The following PAQR5 variants were observed in gnomAD, a reference collection of about 807,000 sequenced individuals.
PAQR5 encodes progestin and adipoQ receptor family member 5, also known as membrane progestin receptor gamma.
A neutral mutation model predicts 34.5 loss-of-function variants in PAQR5; 20 were observed. That is an observed-to-expected ratio of 0.58 (90% CI 0.41 to 0.84). The LOEUF is 0.84. Among genes scored for constraint, PAQR5 ranks in the 40% least tolerant of loss-of-function variants. PAQR5 has a pLI of 0.00. For synonymous variants in PAQR5, 131 were observed against 155.6 expected, an observed-to-expected ratio of 0.84 and a Z score of 1.18; for missense variants, 378 against 412.7, an observed-to-expected ratio of 0.92 and a Z score of 0.73.
chr15:69,320,208 C>T (rs994993998), intron 1 of PAQR5, among the ~76,000 whole-genome samples: 2 of 152,244 alleles, frequency 1.3e-5, no homozygotes, highest in African/African-American at 4.8e-5. Context: ...TAGCATAGAG[C>T]CAGAACGATC....
intron 4 of PAQR5, among the ~76,000 whole-genome samples, chr15:69,380,650 A>T (rs1432689767): frequency 6.6e-6 from 1 of 152,100 alleles, no homozygotes. Context: ...AAGGTGGGGG[A>T]TGAAGGCCAA....
chr15:69,300,279 C>T lies in PAQR5; in HGVS notation c.-277+1223C>T, dbSNP rs75537741. Among the ~76,000 whole-genome samples the T allele has an allele frequency of 3.3e-3, 496 of 152,016 alleles. 6 individuals are homozygous for T. Among genetic ancestry groups the T allele is most frequent in the African/African-American group, 0.011 (474 of 41,380 alleles). On this transcript the variant is annotated intron_variant, in intron 1 of 8. Coordinates refer to ENST00000395407, the MANE Select transcript of PAQR5 (RefSeq NM_017705.4). ...CTAAGCTCCCAGAACTGCAGGAGGG[C>T]AGGGACCTGCTTTGTTCCCTGCAGG...
chr15:69,392,668 G>A (rs1027264634), intron 6 of PAQR5, among the ~76,000 whole-genome samples: 6 of 152,298 alleles, frequency 3.9e-5, no homozygotes, highest in East Asian at 1.9e-4. Flanking sequence ...CATGATTTCC[G>A]TTAGAGTGTA....
At chr15:69,368,345 G>A (rs1263755983) in intron 3 of PAQR5, among the ~76,000 whole-genome samples, 19 of 152,188 alleles carry the variant, frequency 1.2e-4, no homozygotes, top group South Asian at 2.1e-4. Context: ...GAGCCACTGT[G>A]CGTCTGCTTT....
At chr15:69,300,840 G>T (rs1245146640) in intron 1 of PAQR5, among the ~76,000 whole-genome samples, 3 of 14,374 alleles carry the variant, frequency 2.1e-4, no homozygotes, top group Non-Finnish European at 3.8e-4. Flanking sequence ...CCTTTAGTTC[G>T]TTTTCTTTCT....
chr15:69,399,737 T>C (rs557987021), intron 7 of PAQR5, among the ~76,000 whole-genome samples: 1 of 152,342 alleles, frequency 6.6e-6, no homozygotes, highest in East Asian at 1.9e-4. Context: ...AATACAATAG[T>C]CTCGAGTCTC....
In PAQR5 at chr15:69,301,855, G is replaced by A. The variant is rs1022404096; in HGVS notation, c.-277+2799G>A. On this transcript the variant is annotated intron_variant, in intron 1 of 8. Coordinates refer to ENST00000395407, the MANE Select transcript of PAQR5 (RefSeq NM_017705.4). ...AATTGTGAATTCATAAGAAATGGGG[G>A]GAGATTTTTTTTTTTTTTTTTTTTT... 4.5e-4 allele frequency among the ~76,000 whole-genome samples: 52 copies of A among 115,072 alleles called. 1 individual carries two copies. Among genetic ancestry groups the A allele is most frequent in the Admixed American group, 1.3e-3 (15 of 11,898 alleles). The allele number at this position is 115,072 out of a possible 152,430, so 75.5% of individuals were successfully genotyped here. A position where few individuals can be genotyped will look rare whatever the true frequency, so the allele number is the denominator to read the frequency against.
intron 1 of PAQR5, among the ~76,000 whole-genome samples, chr15:69,321,223 A>G (rs1042476554): frequency 5.9e-5 from 9 of 152,258 alleles, no homozygotes; most frequent in African/African-American, 2.2e-4. Flanking sequence ...ACATCTGAGT[A>G]GGACTCAAAA....
At chr15:69,319,030 A>G (rs1460189310) in intron 1 of PAQR5, among the ~76,000 whole-genome samples, 2 of 151,356 alleles carry the variant, frequency 1.3e-5, no homozygotes, top group African/African-American at 2.4e-5. Context: ...GGTACCTGGG[A>G]GGCTGAGGCA....
chr15:69,349,146 T>C (rs1009798526), intron 2 of PAQR5, among the ~76,000 whole-genome samples: 1 of 151,988 alleles, frequency 6.6e-6, no homozygotes, highest in South Asian at 2.1e-4. Context: ...GTGGGCACCA[T>C]CCAATTAGCA....
At chr15:69,368,973 T>C (rs2055480288) in intron 3 of PAQR5, among the ~76,000 whole-genome samples, 1 of 152,264 alleles carries the variant, frequency 6.6e-6, no homozygotes, top group South Asian at 2.1e-4. Context: ...TGTCTCACTG[T>C]GTGGCCTAAG....
chr15:69,333,464 T>C (rs2054436743), intron 1 of PAQR5, among the ~76,000 whole-genome samples: 1 of 152,164 alleles, frequency 6.6e-6, no homozygotes, highest in Non-Finnish European at 1.5e-5. Context: ...TACTTGACTC[T>C]GCACACTTGG....
At chr15:69,310,474 C>T (rs1472186657) in intron 1 of PAQR5, among the ~76,000 whole-genome samples, 1 of 152,128 alleles carries the variant, frequency 6.6e-6, no homozygotes, top group African/African-American at 2.4e-5. Flanking sequence ...ATAGTTTAAC[C>T]TGCATTTTTG....
At chr15:69,328,482 T>C (rs1184015120) in intron 1 of PAQR5, among the ~76,000 whole-genome samples, 3 of 151,518 alleles carry the variant, frequency 2.0e-5, no homozygotes, top group African/African-American at 4.9e-5. Flanking sequence ...AGGAGAGGAG[T>C]CGCTGGAGCC....
At chr15:69,382,700 ATATATG>A (rs1567032608) in intron 4 of PAQR5, among the ~76,000 whole-genome samples, 16 of 117,698 alleles carry the variant, frequency 1.4e-4, no homozygotes, top group East Asian at 2.5e-4. Flanking sequence ...ATATATATAT[ATATATG>A]TATGTATGTA....
chr15:69,354,579 T>C (rs2055006612), intron 2 of PAQR5, among the ~76,000 whole-genome samples: 1 of 152,178 alleles, frequency 6.6e-6, no homozygotes, highest in African/African-American at 2.4e-5. Flanking sequence ...AACTATCTTA[T>C]TGTTATTGTT....
rs2056761554 is a variant in PAQR5, at chr15:69,407,475, A to T, written c.*3653A>T. 1 of 152,224 alleles carries T rather than the reference A, an allele frequency of 6.6e-6. No individual in the cohort carries two copies. The highest frequency in any genetic ancestry group is 2.4e-5 in the African/African-American group (1 of 41,454). 9.4% of individuals were successfully genotyped at this position (152,224 alleles called of 1,614,324 possible). A position where few individuals can be genotyped will look rare whatever the true frequency, so the allele number is the denominator to read the frequency against. On this transcript the variant is annotated 3_prime_UTR_variant, in exon 9 of 9. Transcript: ENST00000395407. ...GAAACACCTATTAACACGGTACAAC[A>T]ACACTTCAAAACATATTATTTGAAT...
intron 2 of PAQR5, among the ~76,000 whole-genome samples, chr15:69,357,451 A>G (rs1256966375): frequency 9.0e-6 from 1 of 110,686 alleles, no homozygotes; most frequent in Non-Finnish European, 2.0e-5. Context: ...TTTAGTAGAG[A>G]CGGGGTTTCA....
At chr15:69,395,882 C>T (rs764376213) in intron 6 of PAQR5, among the ~76,000 whole-genome samples, 7 of 151,998 alleles carry the variant, frequency 4.6e-5, no homozygotes, top group African/African-American at 1.7e-4. Context: ...AGAAGAAACA[C>T]GAAAGTGGGC....
Sources: gnomAD v4.1 joint callset for allele counts (sites outside exome capture counted in the v4.1 genomes callset) on GRCh38, gnomAD v4.1.1 for gene constraint, MANE v1.5 for transcripts, NCBI Gene and HGNC (gene_info 2026-07-23, HGNC 2026-07-21) for gene names.